Variants in PTPRD observed in about 807,000 individuals in gnomAD.
PTPRD encodes the protein receptor-type tyrosine-protein phosphatase delta.
In PTPRD, 34 loss-of-function variants were observed where a neutral mutation model predicts 214.5. The ratio of observed to expected loss-of-function variants is 0.16; its 90% CI spans 0.12 to 0.21. The LOEUF (loss-of-function observed/expected upper bound fraction) is 0.21. Among genes scored for constraint, PTPRD ranks in the 10% least tolerant of loss-of-function variants. The pLI, the probability that PTPRD is intolerant of heterozygous loss-of-function variation, is 1.00. For synonymous variants in PTPRD, 1,128 were observed against 845.7 expected (o/e 1.33, Z -5.79); for missense variants, 2,545 against 2,398.7 (o/e 1.06, Z -1.27).
At chr9:9,244,435 A>T (rs1374298304) in intron 9 of PTPRD, among the ~76,000 whole-genome samples, 1 of 152,174 alleles carries the variant, frequency 6.6e-6, no homozygotes, top group African/African-American at 2.4e-5. Context: ...GTACCAATAC[A>T]GAGATATAGA....
intron 33 of PTPRD, chr9:8,454,546 T>G: frequency 6.2e-7 from 1 of 1,611,756 alleles, no homozygotes; most frequent in East Asian, 2.2e-5. Flanking sequence ...TTTTTCTTAC[T>G]GAACATTAAA....
intron 8 of PTPRD, among the ~76,000 whole-genome samples, chr9:9,546,990 A>G (rs1441641678): frequency 6.6e-6 from 1 of 151,852 alleles, no homozygotes; most frequent in Non-Finnish European, 1.5e-5. Context: ...TAAAAATAAA[A>G]AGACAAAAAA....
intron 11 of PTPRD, among the ~76,000 whole-genome samples, chr9:8,940,166 T>A (rs1332537576): frequency 6.6e-6 from 1 of 151,752 alleles, no homozygotes; most frequent in Non-Finnish European, 1.5e-5. Flanking sequence ...GGCTCTGAAC[T>A]CAGTCTTCAG....
chr9:10,534,671 T>C (rs1297004715), intron 2 of PTPRD, among the ~76,000 whole-genome samples: 1 of 152,142 alleles, frequency 6.6e-6, no homozygotes, highest in East Asian at 1.9e-4. Flanking sequence ...AGTCATGCCC[T>C]TCAAGGTTTC....
intron 36 of PTPRD, among the ~76,000 whole-genome samples, chr9:8,404,038 T>TCTGGTGC: frequency 6.6e-6 from 1 of 152,210 alleles, no homozygotes; most frequent in Non-Finnish European, 1.5e-5. Flanking sequence ...ACTTCTGTCA[T>TCTGGTGC]ATGGTGTCAG....
intron 9 of PTPRD, among the ~76,000 whole-genome samples, chr9:9,374,761 G>A (rs2060353123): frequency 6.6e-6 from 1 of 152,152 alleles, no homozygotes; most frequent in African/African-American, 2.4e-5. Flanking sequence ...GCCTGAGAGT[G>A]CCCCAGGGCC....
intron 10 of PTPRD, among the ~76,000 whole-genome samples, chr9:9,045,338 T>A (rs1417628629): frequency 6.6e-6 from 1 of 152,132 alleles, no homozygotes; most frequent in East Asian, 1.9e-4. Context: ...TTAGCACTTC[T>A]CAGTTATCAC....
chr9:9,963,848 T>A (rs150091270), intron 4 of PTPRD, among the ~76,000 whole-genome samples: 2 of 152,210 alleles, frequency 1.3e-5, no homozygotes, highest in Non-Finnish European at 2.9e-5. Flanking sequence ...TTCATCAACA[T>A]TGGAAACTAA....
At chr9:8,728,147 G>C (rs549570111) in intron 12 of PTPRD, among the ~76,000 whole-genome samples, 1 of 152,274 alleles carries the variant, frequency 6.6e-6, no homozygotes, top group Non-Finnish European at 1.5e-5. Flanking sequence ...CTACTAGAGA[G>C]GCTGACGCAG....
At chr9:10,468,516 G>A (rs542830462) in intron 2 of PTPRD, among the ~76,000 whole-genome samples, 1 of 152,272 alleles carries the variant, frequency 6.6e-6, no homozygotes, top group East Asian at 1.9e-4. Flanking sequence ...GGGGCCAGGG[G>A]AGGGATAGCA....
chr9:8,415,967 C>T (rs1156547527), intron 35 of PTPRD, among the ~76,000 whole-genome samples: 1 of 152,134 alleles, frequency 6.6e-6, no homozygotes, highest in Non-Finnish European at 1.5e-5. Context: ...GATCACTTTG[C>T]CTTCTCTACC....
At position 9,204,732 on chromosome 9, in the gene PTPRD, T is replaced by C. The variant is rs185078121; in HGVS notation, c.-202-21369A>G. On this transcript the variant is annotated intron_variant, in intron 9 of 45. Transcript: ENST00000381196. ...TAAATAGTGAATAGATTTTGCTCTGTACAGCCTTGTAAAAATAGCTTTTGA... is the reference window on the plus strand; with the variant it reads ...TAAATAGTGAATAGATTTTGCTCTGCACAGCCTTGTAAAAATAGCTTTTGA... 1.9e-4 allele frequency among the ~76,000 whole-genome samples: 29 copies of C among 152,346 alleles called. 1 individual carries two copies. In the East Asian group the frequency reaches 5.4e-3, roughly 28 times the overall value.
At chr9:9,931,395 G>T (rs1011242660) in intron 5 of PTPRD, among the ~76,000 whole-genome samples, 1 of 152,186 alleles carries the variant, frequency 6.6e-6, no homozygotes. Flanking sequence ...GAAGCAGGGC[G>T]AGGCATTGCC....
intron 3 of PTPRD, among the ~76,000 whole-genome samples, chr9:10,267,312 G>T (rs1387171480): frequency 6.6e-6 from 1 of 152,158 alleles, no homozygotes; most frequent in Non-Finnish European, 1.5e-5. Flanking sequence ...CAAATTATAG[G>T]CACTTAGTAT....
At chr9:9,820,660 T>A (rs1269676446) in intron 5 of PTPRD, among the ~76,000 whole-genome samples, 1 of 152,104 alleles carries the variant, frequency 6.6e-6, no homozygotes, top group African/African-American at 2.4e-5. Context: ...TAATTTTACA[T>A]ATGGCAAAAG....
intron 11 of PTPRD, among the ~76,000 whole-genome samples, chr9:8,891,193 G>C (rs1394217819): frequency 7.1e-6 from 1 of 141,364 alleles, no homozygotes; most frequent in Non-Finnish European, 1.5e-5. Flanking sequence ...GAGTGCAGTG[G>C]TGCGATCTCC....
rs186579878 is a variant in PTPRD, at chr9:10,060,927, T to C, written c.-544-27137A>G. ...TTCTTTCTTTCTTTCTTTCTTTCTT[T>C]CTTTCTTTCTTTCTTTCTTTCTTTC... is the stretch of plus-strand genomic sequence containing the variant. On this transcript the variant is annotated intron_variant, in intron 3 of 45. Coordinates refer to ENST00000381196, the MANE Select transcript of PTPRD (RefSeq NM_002839.4). Among the ~76,000 whole-genome samples the C allele has an allele frequency of 1.7e-4, 18 of 103,076 alleles. No individual in the cohort carries two copies. In the African/African-American group the frequency reaches 2.3e-3, roughly 13 times the overall value. The allele number at this position is 103,076 out of a possible 152,430, so 67.6% of individuals were successfully genotyped here. A position where few individuals can be genotyped will look rare whatever the true frequency, so the allele number is the denominator to read the frequency against.
intron 8 of PTPRD, among the ~76,000 whole-genome samples, chr9:9,534,010 C>A (rs1363722066): frequency 6.6e-6 from 1 of 151,982 alleles, no homozygotes; most frequent in Non-Finnish European, 1.5e-5. Flanking sequence ...TAAACAGTGG[C>A]ATAGGCACAC....
At chr9:10,097,281 A>G (rs1291562258) in intron 3 of PTPRD, among the ~76,000 whole-genome samples, 1,624 of 139,474 alleles carry the variant, frequency 0.012, 20 homozygotes, top group African/African-American at 0.02. Context: ...GAAGAAAGTC[A>G]TTGGTAGCTT....
Sources: allele counts gnomAD v4.1 joint callset (sites outside exome capture counted in the v4.1 genomes callset), GRCh38; gene constraint gnomAD v4.1.1; transcripts MANE v1.5; gene names NCBI Gene and HGNC (gene_info 2026-07-23, HGNC 2026-07-21).